CHFR: variants seen among roughly 807,000 people sequenced by gnomAD.
CHFR encodes checkpoint with forkhead and ring finger domains.
A neutral mutation model predicts 87.6 loss-of-function variants in CHFR; 57 were observed. That is an observed-to-expected ratio of 0.65 (90% CI 0.53 to 0.81). The LOEUF (loss-of-function observed/expected upper bound fraction) is 0.81. Among genes scored for constraint, CHFR ranks in the 30% least tolerant of loss-of-function variants. The probability of loss-of-function intolerance (pLI) is 0.00; values close to 1 mark genes in which losing one functional copy is unlikely to be tolerated. For synonymous variants in CHFR, 381 were observed against 359.2 expected, an observed-to-expected ratio of 1.06 and a Z score of -0.69; for missense variants, 797 against 865.8, an observed-to-expected ratio of 0.92 and a Z score of 1.00.
intron 8 of CHFR, among the ~76,000 whole-genome samples, chr12:132,858,083 G>C (rs764890493): frequency 1.3e-5 from 2 of 152,188 alleles, no homozygotes; most frequent in African/African-American, 4.8e-5. Flanking sequence ...GTAGCCATGC[G>C]GGGTGGCTCA....
chr12:132,846,104 G>A (rs891586771), intron 15 of CHFR, among the ~76,000 whole-genome samples: 4 of 151,978 alleles, frequency 2.6e-5, no homozygotes, highest in Non-Finnish European at 5.9e-5. Context: ...TTCTACGTTT[G>A]TCCCTTTGTT....
At position 132,843,078 on chromosome 12, in the gene CHFR, C is replaced by T. The variant is rs761464761; in HGVS notation, c.1849G>A (p.Val617Ile). 30 of 1,612,798 alleles carry T rather than the reference C, an allele frequency of 1.9e-5. No individual in the cohort carries two copies. Among genetic ancestry groups the T allele is most frequent in the Admixed American group, 6.7e-5 (4 of 59,866 alleles). ...NIPASELPVA[V>I]TSRPDCYWGR... The stretch of plus-strand genomic sequence containing the variant: ...CAGTAGCAGTCAGGACGGGATGTTA[C>T]GGCCACTGGAAAAAGAGAAGGGGTA... The change falls in exon 17 of 18, where the codon GTA (valine) becomes ATA (isoleucine). Residue 617 changes from valine (V) to isoleucine (I), a missense_variant. Physicochemically the swap from Val to Ile is conservative, Grantham distance 29. Around this residue, in one of 2 missense-constraint regions of CHFR, gnomAD observed 200 missense variants for 264.6 expected, o/e 0.76. Coordinates refer to ENST00000450056, the MANE Select transcript of CHFR (RefSeq NM_001161346.2).
chr12:132,869,889 T>A, intron 5 of CHFR, 91 bp from the exon 6 acceptor site: 1 of 1,429,626 alleles, frequency 7.0e-7, no homozygotes, highest in South Asian at 1.2e-5. Flanking sequence ...GCAGACACTC[T>A]AGGGATTGAA....
rs1263016928 is a variant in CHFR at position 132,836,619 on chromosome 12, C to T, written c.*4935G>A. ...CCTGGTCTGACTGGCCTTCAACATTCTCTCCTGAGTCCATTCCTTCCACAG... is the reference window on the plus strand; with the variant it reads ...CCTGGTCTGACTGGCCTTCAACATTTTCTCCTGAGTCCATTCCTTCCACAG... On this transcript the variant is annotated 3_prime_UTR_variant, in exon 18 of 18. Transcript: ENST00000450056. The T allele has an allele frequency of 8.8e-6, 4 of 455,762 alleles. No homozygotes were observed. The highest frequency in any genetic ancestry group is 2.0e-5 in the African/African-American group (1 of 50,072). The allele number at this position is 455,762 out of a possible 1,614,324, so 28.2% of individuals were successfully genotyped here. A position where few individuals can be genotyped will look rare whatever the true frequency, so the allele number is the denominator to read the frequency against.
At chr12:132,848,292 A>G in intron 13 of CHFR, 137 bp from the exon 14 acceptor site, 1 of 1,474,332 alleles carries the variant, frequency 6.8e-7, no homozygotes, top group Non-Finnish European at 9.3e-7. Flanking sequence ...ATAAAACTCA[A>G]TTTTAAACAG....
chr12:132,853,608 C>A (rs775426850), intron 10 of CHFR, 35 bp from the exon 11 acceptor site: 4 of 1,494,436 alleles, frequency 2.7e-6, no homozygotes, highest in Non-Finnish European at 3.5e-6. Context: ...TGTGTGCAGG[C>A]CCCAAGCCTC....
chr12:132,852,084 C>T (rs879424413), intron 11 of CHFR, among the ~76,000 whole-genome samples: 5 of 151,740 alleles, frequency 3.3e-5, no homozygotes, highest in South Asian at 2.1e-4. Flanking sequence ...CCCGGGTTCA[C>T]GCCATTCTCC....
Position 132,841,435 on chromosome 12 carries a change from A to T in CHFR, c.*119T>A. 1.2e-6 allele frequency: 1 copy of T among 867,346 alleles called. No homozygotes were observed. The highest frequency in any genetic ancestry group is 2.0e-6 in the Non-Finnish European group (1 of 511,164). The allele number at this position is 867,346 out of a possible 1,614,324, so 53.7% of individuals were successfully genotyped here. A position where few individuals can be genotyped will look rare whatever the true frequency, so the allele number is the denominator to read the frequency against. ...AGAGTCACCCCAGAGCACCTGTCGG[A>T]GACCCTGCGTCCCTTCCCTCAGGGG... On this transcript the variant is annotated 3_prime_UTR_variant, in exon 18 of 18. Coordinates refer to ENST00000450056, the MANE Select transcript of CHFR (RefSeq NM_001161346.2).
intron 6 of CHFR, chr12:132,866,530 A>G (rs1448149727): frequency 1.3e-5 from 2 of 152,172 alleles, no homozygotes; most frequent in Non-Finnish European, 2.9e-5. Context: ...GAATGTTACA[A>G]CACACCGGAT....
intron 3 of CHFR, among the ~76,000 whole-genome samples, chr12:132,875,217 C>G (rs1304439169): frequency 6.6e-6 from 1 of 152,238 alleles, no homozygotes; most frequent in African/African-American, 2.4e-5. Context: ...GTCTTCTATC[C>G]CTGAAACTAT....
intron 14 of CHFR, chr12:132,847,521 T>C (rs1056256950): frequency 9.2e-6 from 10 of 1,081,646 alleles, no homozygotes; most frequent in Non-Finnish European, 1.1e-5. Flanking sequence ...ACACGAGCTG[T>C]TGAGCTCCTT....
intron 6 of CHFR, chr12:132,862,366 G>T (rs1208289168): frequency 1.4e-5 from 6 of 428,304 alleles, no homozygotes; most frequent in Non-Finnish European, 2.8e-5. Flanking sequence ...GCCAAGGTGG[G>T]AGGATCACTT....
chr12:132,861,429 C>A, intron 7 of CHFR, 38 bp downstream of exon 7: 1 of 1,601,452 alleles, frequency 6.2e-7, no homozygotes, highest in South Asian at 1.1e-5. Flanking sequence ...CCCAGGAGCA[C>A]ACGAGAGGAC....
intron 2 of CHFR, among the ~76,000 whole-genome samples, chr12:132,886,431 TTAGAGTA>T (rs1287392189): frequency 2.6e-5 from 4 of 152,158 alleles, no homozygotes; most frequent in Non-Finnish European, 5.9e-5. Context: ...TCGCTCCTTT[TTAGAGTA>T]TAATGTCGGA....
intron 14 of CHFR, chr12:132,847,787 C>A: frequency 2.3e-6 from 3 of 1,278,760 alleles, no homozygotes; most frequent in Non-Finnish European, 3.0e-6. Flanking sequence ...AAGCCCTCAC[C>A]GAGAGCTGTG....
Position 132,836,659 on chromosome 12 carries a change from G to A in CHFR, c.*4895C>T, listed in dbSNP as rs1467623041. 4.4e-6 allele frequency: 2 copies of A among 456,018 alleles called. No individual in the cohort carries two copies. The highest frequency in any genetic ancestry group is 8.8e-6 in the Non-Finnish European group (2 of 226,820). The allele number at this position is 456,018 out of a possible 1,614,324, so 28.2% of individuals were successfully genotyped here. A position where few individuals can be genotyped will look rare whatever the true frequency, so the allele number is the denominator to read the frequency against. ...TCCTTCCACAGACATGCACGACCAAGTGTCTGCTCTGTGTGAGGAACTTTA... is the reference window on the plus strand; with the variant it reads ...TCCTTCCACAGACATGCACGACCAAATGTCTGCTCTGTGTGAGGAACTTTA... On this transcript the variant is annotated 3_prime_UTR_variant, in exon 18 of 18. Coordinates refer to ENST00000450056, the MANE Select transcript of CHFR (RefSeq NM_001161346.2).
chr12:132,862,420 C>T (rs1349750283), intron 6 of CHFR: 4 of 450,612 alleles, frequency 8.9e-6, no homozygotes, highest in Non-Finnish European at 1.8e-5. Context: ...CAGCAAGGCA[C>T]CATCTCTACA....
At chr12:132,885,876 A>G (rs1473315088) in intron 2 of CHFR, among the ~76,000 whole-genome samples, 1 of 152,238 alleles carries the variant, frequency 6.6e-6, no homozygotes, top group Non-Finnish European at 1.5e-5. Context: ...TATCAAGTAA[A>G]GACAAAGGGA....
chr12:132,851,290 C>T (rs2136943563), intron 12 of CHFR, among the ~76,000 whole-genome samples: 1 of 152,160 alleles, frequency 6.6e-6, no homozygotes, highest in East Asian at 1.9e-4. Flanking sequence ...TGTGCCTGGC[C>T]AGAGTTGTAT....
Sources: gnomAD v4.1 joint callset for allele counts (sites outside exome capture counted in the v4.1 genomes callset) on GRCh38, gnomAD v4.1.1 for gene constraint, gnomAD v4.1.1 regional missense constraint, MANE v1.5 for transcripts, NCBI Gene and HGNC (gene_info 2026-07-23, HGNC 2026-07-21) for gene names.